The following C12orf42 variants were observed in gnomAD, a reference collection of about 807,000 sequenced individuals.
C12orf42 encodes the protein uncharacterized protein C12orf42.
In C12orf42, 25 loss-of-function variants were observed where a neutral mutation model predicts 21.6. The observed-to-expected ratio is 1.16, with a 90% CI of 0.84 to 1.62. The LOEUF (loss-of-function observed/expected upper bound fraction) is 1.62, where lower values mean the gene tolerates loss of function less well. Ranked by LOEUF, C12orf42 falls within the 40% of genes most tolerant of loss-of-function variation. C12orf42 has a pLI of 0.00. For missense variants in C12orf42, 483 were observed against 459.3 expected (o/e 1.05, Z -0.47); for synonymous variants, 174 against 175.0 (o/e 0.99, Z 0.05).
intron 5 of C12orf42, chr12:103,269,895 T>G (rs892750784): frequency 2.0e-5 from 3 of 152,150 alleles, no homozygotes; most frequent in Non-Finnish European, 4.4e-5. Flanking sequence ...TTCAAGGCAC[T>G]GGGGAAAGAA....
the C12orf42 span, among the ~76,000 whole-genome samples, chr12:103,076,065 A>T: frequency 6.6e-6 from 1 of 152,068 alleles, no homozygotes; most frequent in Non-Finnish European, 1.5e-5. Context: ...AATATCACAC[A>T]CCGGGTCCTG....
rs142719431 is a variant in C12orf42, at chr12:103,409,648, T to G, written c.79-7973A>C. 4.2e-3 allele frequency among the ~76,000 whole-genome samples: 640 copies of G among 152,276 alleles called. 1 individual carries two copies. The highest frequency in any genetic ancestry group is 6.1e-3 in the Non-Finnish European group (415 of 68,012). On this transcript the variant is annotated intron_variant, in intron 2 of 5. Transcript: ENST00000548883. ...GATGTGCACTTCTCAAATCTCGTAT[T>G]CTGGAATTATCTTAAATTATCAACT...
At chr12:103,508,806 G>A in the C12orf42 span, among the ~76,000 whole-genome samples, 1 of 152,160 alleles carries the variant, frequency 6.6e-6, no homozygotes, top group Non-Finnish European at 1.5e-5. Flanking sequence ...TGCCAACTGT[G>A]ACCTTGTGCA....
At chr12:103,347,216 CCT>C (rs2042701595) in intron 4 of C12orf42, among the ~76,000 whole-genome samples, 1 of 152,014 alleles carries the variant, frequency 6.6e-6, no homozygotes, top group South Asian at 2.1e-4. Flanking sequence ...CCCCCCACCC[CCT>C]GACAGGCCCC....
At chr12:103,203,253 G>T in the C12orf42 span, among the ~76,000 whole-genome samples, 1 of 152,168 alleles carries the variant, frequency 6.6e-6, no homozygotes, top group Non-Finnish European at 1.5e-5. Flanking sequence ...CTGGATGGGG[G>T]ATTGCCCCTG....
chr12:103,051,729 C>T, the C12orf42 span, among the ~76,000 whole-genome samples: 2 of 152,108 alleles, frequency 1.3e-5, no homozygotes, highest in Non-Finnish European at 1.5e-5. Context: ...CTTGTTTCTG[C>T]CCCTCTGAGA....
At chr12:103,092,444 C>T in the C12orf42 span, among the ~76,000 whole-genome samples, 1 of 152,162 alleles carries the variant, frequency 6.6e-6, no homozygotes, top group Non-Finnish European at 1.5e-5. Context: ...TTTGATGTTA[C>T]AGCATGAAAA....
chr12:103,514,162 T>C, the C12orf42 span, among the ~76,000 whole-genome samples: 8 of 152,090 alleles, frequency 5.3e-5, no homozygotes, highest in Non-Finnish European at 8.8e-5. Context: ...TATAAAACCA[T>C]CAGATCTCAT....
intron 4 of C12orf42, among the ~76,000 whole-genome samples, chr12:103,322,762 G>A (rs994192839): frequency 5.3e-5 from 8 of 152,204 alleles, no homozygotes; most frequent in African/African-American, 1.7e-4. Context: ...ATTCGTAAGA[G>A]TGCATTAGGT....
intron 2 of C12orf42, among the ~76,000 whole-genome samples, chr12:103,467,488 A>C (rs1244921258): frequency 3.3e-5 from 5 of 152,148 alleles, no homozygotes. Flanking sequence ...ACCCCATCCC[A>C]AGTCAAGCCT....
At chr12:103,168,162 AAAG>A in the C12orf42 span, 1 of 446,212 alleles carries the variant, frequency 2.2e-6, no homozygotes, top group Admixed American at 2.5e-5. Context: ...CATATCATCT[AAAG>A]AAGATTCCTC....
intron 4 of C12orf42, among the ~76,000 whole-genome samples, chr12:103,317,465 C>T (rs1486871286): frequency 6.6e-6 from 1 of 152,152 alleles, no homozygotes; most frequent in Non-Finnish European, 1.5e-5. Context: ...GCCCAGGACA[C>T]AGATTTATAT....
intron 4 of C12orf42, among the ~76,000 whole-genome samples, chr12:103,306,874 A>T (rs2038396731): frequency 6.7e-6 from 1 of 149,196 alleles, no homozygotes; most frequent in Non-Finnish European, 1.5e-5. Context: ...CTTATAAGAA[A>T]AGGAAACTGA....
chr12:103,266,895 A>C (rs2035197077), downstream of C12orf42, among the ~76,000 whole-genome samples: 1 of 152,164 alleles, frequency 6.6e-6, no homozygotes, highest in African/African-American at 2.4e-5. Context: ...GAAAATTCCA[A>C]GAAAGGTCAG....
chr12:103,071,877 T>C, the C12orf42 span, among the ~76,000 whole-genome samples: 1 of 152,102 alleles, frequency 6.6e-6, no homozygotes, highest in African/African-American at 2.4e-5. Context: ...ATAGGATAAT[T>C]AGTGTTTTCT....
intron 2 of C12orf42, among the ~76,000 whole-genome samples, chr12:103,453,369 A>G (rs1237836889): frequency 6.6e-6 from 1 of 151,882 alleles, no homozygotes; most frequent in Non-Finnish European, 1.5e-5. Context: ...CATCTTTGTC[A>G]TACTCATCTC....
chr12:103,349,301 T>C (rs1213346442), intron 4 of C12orf42: 1 of 152,196 alleles, frequency 6.6e-6, no homozygotes, highest in Non-Finnish European at 1.5e-5. Flanking sequence ...CAGAACAAAC[T>C]TGAGAAGCCC....
chr12:103,228,373 A>C, the C12orf42 span, among the ~76,000 whole-genome samples: 3 of 152,236 alleles, frequency 2.0e-5, no homozygotes, highest in Middle Eastern at 3.4e-3. Context: ...TTCACAAGGT[A>C]ATGTCATCAC....
chr12:103,194,859 A>T, the C12orf42 span, among the ~76,000 whole-genome samples: 5 of 152,130 alleles, frequency 3.3e-5, no homozygotes, highest in African/African-American at 1.2e-4. Flanking sequence ...TAAATTGTGT[A>T]TTGGTGGGGT....
Sources: gnomAD v4.1 joint callset for allele counts (sites outside exome capture counted in the v4.1 genomes callset) on GRCh38, gnomAD v4.1.1 for gene constraint, MANE v1.5 for transcripts, NCBI Gene and HGNC (gene_info 2026-07-23, HGNC 2026-07-21) for gene names.